The following F11 variants were observed in gnomAD, a reference collection of about 807,000 sequenced individuals.
F11 encodes the protein coagualtion factor XI.
A neutral mutation model predicts 76.5 loss-of-function variants in F11; 78 were observed. The observed-to-expected ratio is 1.02, with a 90% CI of 0.85 to 1.23. The LOEUF is 1.23. Among genes scored for constraint, F11 ranks in the 50% most tolerant of loss-of-function variants. F11 has a pLI of 0.00. For synonymous variants in F11, 278 were observed against 276.3 expected, an observed-to-expected ratio of 1.01 and a Z score of -0.06; for missense variants, 742 against 771.4, an observed-to-expected ratio of 0.96 and a Z score of 0.45.
In F11 at chr4:186,288,509, C is replaced by T. The variant is rs1741381768; in HGVS notation, c.1773C>T (p.Gly591=). ...ACAATGAGGTCTGGCATCTGGTAGGCATCACGAGCTGGGGCGAAGGCTGTG... is the reference window on the plus strand; with the variant it reads ...ACAATGAGGTCTGGCATCTGGTAGGTATCACGAGCTGGGGCGAAGGCTGTG... ...CKHNEVWHLV[G]ITSWGEGCAQ... The change falls in exon 15 of 15, where the codon GGC becomes GGT. Residue 591 remains glycine, a synonymous_variant. Transcript: ENST00000403665. 6.2e-7 allele frequency: 1 copy of T among 1,614,070 alleles called. No individual in the cohort carries two copies. Among genetic ancestry groups the T allele is most frequent in the African/African-American group, 1.3e-5 (1 of 74,924 alleles).
At chr4:186,277,711 C>T (rs527818285) in intron 7 of F11, among the ~76,000 whole-genome samples, 4 of 152,120 alleles carry the variant, frequency 2.6e-5, no homozygotes, top group African/African-American at 9.7e-5. Flanking sequence ...GTTTCCTTAC[C>T]AATGGAAATT....
At chr4:186,285,606 A>C (rs1490393988) in intron 11 of F11, 32 bp from the exon 12 acceptor site, 1 of 1,607,696 alleles carries the variant, frequency 6.2e-7, no homozygotes, top group Non-Finnish European at 8.5e-7. Context: ...TTAGTAAAGG[A>C]AATTTCTTTC....
intron 7 of F11, 104 bp from the exon 8 acceptor site, chr4:186,279,908 C>A: frequency 1.1e-6 from 1 of 877,112 alleles, no homozygotes; most frequent in East Asian, 2.6e-5. Context: ...AAAATCTTCA[C>A]AACTAAGTGC....
At chr4:186,281,199 C>T (rs1303150077) in intron 10 of F11, among the ~76,000 whole-genome samples, 3 of 152,198 alleles carry the variant, frequency 2.0e-5, no homozygotes, top group Admixed American at 6.5e-5. Flanking sequence ...TGCCAACACT[C>T]CTGTTATCAA....
intron 14 of F11, 56 bp downstream of exon 14, chr4:186,287,879 T>C: frequency 1.3e-6 from 2 of 1,581,216 alleles, no homozygotes; most frequent in Non-Finnish European, 1.7e-6. Context: ...CTTAATGCGT[T>C]GGGGTTTTTT....
chr4:186,282,876 C>G, intron 10 of F11: 1 of 985,224 alleles, frequency 1.0e-6, no homozygotes, highest in Non-Finnish European at 1.2e-6. Flanking sequence ...GAAATCTGCC[C>G]CAGAATTATA....
chr4:186,281,603 C>A (rs997017421), intron 10 of F11, among the ~76,000 whole-genome samples: 4 of 152,144 alleles, frequency 2.6e-5, no homozygotes, highest in African/African-American at 9.7e-5. Flanking sequence ...AAAGAACACA[C>A]CACAAACACT....
In F11 at chr4:186,275,845, G is replaced by A. The variant is rs371437683; in HGVS notation, c.544G>A (p.Asp182Asn). 4 of 1,613,626 alleles carry A rather than the reference G, an allele frequency of 2.5e-6. No homozygotes were observed. The highest frequency in any genetic ancestry group is 2.2e-5 in the East Asian group (1 of 44,860). ...TGTPTRITKL[D>N]KVVSGFSLKS... ...GACACCAACCAGAATAACGAAGCTCGATAAAGTGGTGTCTGGATTTTCACT... is the reference window on the plus strand; with the variant it reads ...GACACCAACCAGAATAACGAAGCTCAATAAAGTGGTGTCTGGATTTTCACT... The change falls in exon 6 of 15, where the codon GAT becomes AAT. Residue 182 changes from aspartate to asparagine, a missense_variant. Transcript: ENST00000403665.
intron 10 of F11, 94 bp downstream of exon 10, chr4:186,280,674 G>T: frequency 9.0e-7 from 1 of 1,110,310 alleles, no homozygotes; most frequent in Non-Finnish European, 1.3e-6. Context: ...CCACAGAAGG[G>T]AGAACATTCA....
At chr4:186,284,876 A>G (rs1741068548) in intron 11 of F11, among the ~76,000 whole-genome samples, 1 of 152,136 alleles carries the variant, frequency 6.6e-6, no homozygotes, top group Non-Finnish European at 1.5e-5. Context: ...CTTGAGCCCA[A>G]GAGTTCAAGG....
At chr4:186,277,376 G>A (rs1740466156) in intron 7 of F11, among the ~76,000 whole-genome samples, 1 of 152,146 alleles carries the variant, frequency 6.6e-6, no homozygotes, top group Admixed American at 6.5e-5. Context: ...ACATGTGAGT[G>A]TAGGTATCTT....
At chr4:186,266,518 GT>G (rs1739510117) in intron 1 of F11, among the ~76,000 whole-genome samples, 1 of 152,140 alleles carries the variant, frequency 6.6e-6, no homozygotes, top group Non-Finnish European at 1.5e-5. Flanking sequence ...AGTAACAAGC[GT>G]TTTACGAGTT....
rs1428353178 is a variant in F11, at chr4:186,266,452, TC to T, written c.-2+159del. ...GCTTTGTAGAGATGTTCCGCTAATA[TC>T]CATAACTAATCTGAGAGGAAATGTG... On this transcript the variant is annotated intron_variant, in intron 1 of 14. Coordinates refer to ENST00000403665, the MANE Select transcript of F11 (RefSeq NM_000128.4). 2.0e-5 allele frequency among the ~76,000 whole-genome samples: 3 copies of T among 152,216 alleles called. No individual in the cohort carries two copies. The East Asian group carries it at 5.8e-4, about 29-fold the overall frequency.
In F11 at chr4:186,280,381, G is replaced by A. The variant is rs1308753322; in HGVS notation, c.1024G>A (p.Gly342Arg). 1.9e-5 allele frequency: 31 copies of A among 1,614,188 alleles called. No individual in the cohort carries two copies. The highest frequency in any genetic ancestry group is 2.6e-5 in the Non-Finnish European group (31 of 1,180,038). Residue 342 changes from glycine to arginine, a missense_variant, in exon 9 of 15, where the codon GGG becomes AGG. By Grantham distance (125) the Gly-to-Arg change is moderately radical. Transcript: ENST00000403665. ...YTPAQASCNE[G>R]KGKCYLKLSS... is the part of the protein sequence containing the mutation. ...CCCAGCCCAAGCATCCTGCAACGAA[G>A]GGAAGTAAGCCATATGAAGGGTTAT...
rs543131176 is a variant in F11 at position 186,273,156 on chromosome 4, C to A, written c.304C>A (p.Gln102Lys). ...TAAISGYSFK[Q>K]CSHQISACNK... ...AGCGATTTCTGGGTATTCTTTCAAG[C>A]AATGCTCACACCAAATAAGCGGTAA... The change falls in exon 4 of 15, where the codon CAA becomes AAA. Residue 102 changes from glutamine to lysine, a missense_variant. Physicochemically the swap from Gln to Lys is moderately conservative, Grantham distance 53. Coordinates refer to ENST00000403665, the MANE Select transcript of F11 (RefSeq NM_000128.4). 6.2e-7 allele frequency: 1 copy of A among 1,613,274 alleles called. No homozygotes were observed.
chr4:186,267,970 T>C (rs1739626239), intron 2 of F11, among the ~76,000 whole-genome samples: 1 of 152,316 alleles, frequency 6.6e-6, no homozygotes, highest in African/African-American at 2.4e-5. Flanking sequence ...GGTTATAATA[T>C]TCCTTTGTTA....
At position 186,280,274 on chromosome 4, in the gene F11, T is replaced by A. The variant is rs549554738; in HGVS notation, c.917T>A (p.Leu306Gln). ...YHDTDFLGEELDIVAAKSHEA... is the reference protein window; with the variant it reads ...YHDTDFLGEEQDIVAAKSHEA... Reference sequence around the variant, plus strand: ...GACACTGATTTCTTGGGAGAAGAACTGGATATTGTTGCTGCAAAAAGTCAC... The same window carrying A: ...GACACTGATTTCTTGGGAGAAGAACAGGATATTGTTGCTGCAAAAAGTCAC... The change falls in exon 9 of 15, where the codon CTG becomes CAG. Residue 306 changes from leucine (L) to glutamine (Q), a missense_variant. Transcript: ENST00000403665. 2.5e-6 allele frequency: 4 copies of A among 1,614,236 alleles called. No individual in the cohort carries two copies. The South Asian group carries it at 4.4e-5, about 18-fold the overall frequency.
rs527658699 is a variant in F11 at position 186,274,107 on chromosome 4, T to C, written c.326-9T>C. The C allele has an allele frequency of 1.4e-5, 22 of 1,614,096 alleles. No homozygotes were observed. The highest frequency in any genetic ancestry group is 1.9e-5 in the Non-Finnish European group (22 of 1,180,032). ...GGAAGGTACTCATGTCTTCTGCTTT[T>C]ATTTCCAGCTTGCAACAAAGACATT... On this transcript the variant is annotated splice_polypyrimidine_tract_variant and intron_variant, in intron 4 of 14. Coordinates refer to ENST00000403665, the MANE Select transcript of F11 (RefSeq NM_000128.4).
chr4:186,279,155 C>T lies in F11; in HGVS notation c.756-857C>T, dbSNP rs1330870508. 4.6e-5 allele frequency among the ~76,000 whole-genome samples: 7 copies of T among 152,242 alleles called. No homozygotes were observed. In the Middle Eastern group the frequency reaches 0.01, roughly 222 times the overall value. ...ATCCCAGCACTTTGGGAGGCCGAGG[C>T]GGTGAATCACGAGGTCAGGAGTACG... On this transcript the variant is annotated intron_variant, in intron 7 of 14. Coordinates refer to ENST00000403665, the MANE Select transcript of F11 (RefSeq NM_000128.4).
Sources: allele counts gnomAD v4.1 joint callset (sites outside exome capture counted in the v4.1 genomes callset), GRCh38; gene constraint gnomAD v4.1.1; transcripts MANE v1.5; gene names NCBI Gene and HGNC (gene_info 2026-07-23, HGNC 2026-07-21).